KAZN: variants seen among roughly 807,000 people sequenced by gnomAD.
KAZN encodes the protein kazrin.
Under a neutral mutation model 87.4 loss-of-function variants are expected in KAZN, and 40 were observed. That is an observed-to-expected ratio of 0.46 (90% CI 0.36 to 0.60). The LOEUF is 0.60. Among genes scored for constraint, KAZN ranks in the 20% least tolerant of loss-of-function variants. KAZN has a pLI of 0.00. For missense variants in KAZN, 898 were observed against 1,073.9 expected, an observed-to-expected ratio of 0.84 and a Z score of 2.29; for synonymous variants, 466 against 458.3, an observed-to-expected ratio of 1.02 and a Z score of -0.22.
chr1:14,218,041 A>G (rs1485341993), intron 2 of KAZN, among the ~76,000 whole-genome samples: 1 of 152,086 alleles, frequency 6.6e-6, no homozygotes, highest in Non-Finnish European at 1.5e-5. Flanking sequence ...ATTCCAATAA[A>G]CCAAATTAAC....
chr1:14,744,514 A>G (rs767440306), intron 1 of KAZN, among the ~76,000 whole-genome samples: 11 of 152,126 alleles, frequency 7.2e-5, no homozygotes, highest in Non-Finnish European at 1.5e-4. Flanking sequence ...CAGTCACTTG[A>G]GGCTAGGAGT....
intron 2 of KAZN, among the ~76,000 whole-genome samples, chr1:14,535,883 G>T (rs2148487830): frequency 6.6e-6 from 1 of 152,292 alleles, no homozygotes; most frequent in African/African-American, 2.4e-5. Flanking sequence ...AGGAGAGCTG[G>T]TTTTCCCATT....
chr1:14,001,458 C>T (rs909967395), intron 1 of KAZN, among the ~76,000 whole-genome samples: 1 of 152,116 alleles, frequency 6.6e-6, no homozygotes, highest in Non-Finnish European at 1.5e-5. Flanking sequence ...AATGTTATTC[C>T]TATCAAACTA....
At chr1:14,432,258 T>C (rs963936800) in intron 2 of KAZN, among the ~76,000 whole-genome samples, 8 of 152,226 alleles carry the variant, frequency 5.3e-5, no homozygotes, top group South Asian at 2.1e-4. Context: ...ATGTAGATCA[T>C]GGACCATAAG....
intron 2 of KAZN, among the ~76,000 whole-genome samples, chr1:14,396,977 C>G (rs1371325256): frequency 6.6e-6 from 1 of 152,056 alleles, no homozygotes; most frequent in African/African-American, 2.4e-5. Context: ...GTCTCCATCT[C>G]TATTCCTACC....
At chr1:14,712,815 C>T (rs987022497) in intron 1 of KAZN, among the ~76,000 whole-genome samples, 1 of 152,220 alleles carries the variant, frequency 6.6e-6, no homozygotes, top group African/African-American at 2.4e-5. Context: ...AAACCAACCA[C>T]AGCAGCTATA....
intron 1 of KAZN, among the ~76,000 whole-genome samples, chr1:14,798,655 C>T (rs1478485513): frequency 6.6e-6 from 1 of 151,960 alleles, no homozygotes; most frequent in Non-Finnish European, 1.5e-5. Context: ...AAAATGGTCT[C>T]GATCTCCCGA....
intron 1 of KAZN, among the ~76,000 whole-genome samples, chr1:14,785,676 C>T (rs1645490806): frequency 6.6e-6 from 1 of 152,166 alleles, no homozygotes. Context: ...CCTCAGTCTC[C>T]TCATCTCTAA....
intron 1 of KAZN, among the ~76,000 whole-genome samples, chr1:14,003,438 A>G (rs1297997357): frequency 6.6e-6 from 1 of 152,100 alleles, no homozygotes; most frequent in African/African-American, 2.4e-5. Context: ...ACTTTTATAT[A>G]GAAAGAAGTG....
At chr1:14,038,809 C>A (rs2101381015) in intron 1 of KAZN, among the ~76,000 whole-genome samples, 1 of 152,252 alleles carries the variant, frequency 6.6e-6, no homozygotes, top group South Asian at 2.1e-4. Context: ...GGGTGTGAAT[C>A]CGTTTTTCCA....
At chr1:14,763,800 A>G (rs1239215144) in intron 1 of KAZN, among the ~76,000 whole-genome samples, 1 of 152,210 alleles carries the variant, frequency 6.6e-6, no homozygotes, top group Non-Finnish European at 1.5e-5. Context: ...CCCAGGCTGC[A>G]GTGCAATGGC....
chr1:15,051,265 G>T (rs742667), intron 4 of KAZN, among the ~76,000 whole-genome samples: 13,419 of 152,298 alleles, frequency 0.088, 1,899 homozygotes, highest in African/African-American at 0.3. Flanking sequence ...AGATGTGATG[G>T]GTGCACTGTG....
intron 1 of KAZN, among the ~76,000 whole-genome samples, chr1:14,808,447 C>T (rs1285295830): frequency 1.3e-5 from 2 of 151,772 alleles, no homozygotes; most frequent in Non-Finnish European, 2.9e-5. Flanking sequence ...CAGGCAAGTG[C>T]CACCACGGTC....
chr1:14,530,781 C>G (rs1338786474), intron 2 of KAZN, among the ~76,000 whole-genome samples: 2 of 152,164 alleles, frequency 1.3e-5, no homozygotes, highest in Non-Finnish European at 1.5e-5. Context: ...AACCTCTTTT[C>G]CTTATAAATT....
In KAZN at chr1:13,908,449, T is replaced by A. The variant is rs6697531; in HGVS notation, c.91+14693T>A. The stretch of plus-strand genomic sequence containing the variant: ...CTCTTTGGTCAAGAAAGCTCCAGCC[T>A]AAATAGCTAATTCCCCTGGGTCCTA... On this transcript the variant is annotated intron_variant, in intron 1 of 16. Coordinates refer to the KAZN transcript ENST00000636203. Among the ~76,000 whole-genome samples, 1,131 of 152,112 alleles carry A rather than the reference T, an allele frequency of 7.4e-3. 11 individuals carry two copies. Among genetic ancestry groups the A allele is most frequent in the African/African-American group, 0.026 (1,080 of 41,492 alleles).
At chr1:14,133,897 C>T (rs775034925) in intron 1 of KAZN, among the ~76,000 whole-genome samples, 10 of 152,140 alleles carry the variant, frequency 6.6e-5, no homozygotes, top group Non-Finnish European at 1.3e-4. Flanking sequence ...TGTGTCGCAT[C>T]CTTTTGACCT....
At chr1:14,335,110 C>CG (rs994220903) in intron 2 of KAZN, among the ~76,000 whole-genome samples, 6 of 147,014 alleles carry the variant, frequency 4.1e-5, no homozygotes, top group Admixed American at 6.8e-5. Flanking sequence ...CTCGGTGCCC[C>CG]CCCCCCACCA....
chr1:14,252,309 C>A (rs1650118112), intron 2 of KAZN, among the ~76,000 whole-genome samples: 1 of 152,284 alleles, frequency 6.6e-6, no homozygotes, highest in African/African-American at 2.4e-5. Flanking sequence ...TTGGAGTTCA[C>A]ACTACCCAGA....
At chr1:14,402,279 G>C (rs1213468096) in intron 2 of KAZN, among the ~76,000 whole-genome samples, 1 of 151,312 alleles carries the variant, frequency 6.6e-6, no homozygotes, top group Non-Finnish European at 1.5e-5. Flanking sequence ...AAAATAGCCT[G>C]TTCCTAATAG....
Sources: allele counts gnomAD v4.1 joint callset (sites outside exome capture counted in the v4.1 genomes callset), GRCh38; gene constraint gnomAD v4.1.1; transcripts MANE v1.5; gene names NCBI Gene and HGNC (gene_info 2026-07-23, HGNC 2026-07-21).